The following C8orf88 variants were observed in gnomAD, a reference collection of about 807,000 sequenced individuals.
C8orf88 encodes the protein uncharacterized protein C8orf88.
C8orf88 carries 14 observed loss-of-function variants against 18.4 expected under a neutral mutation model. The observed-to-expected ratio is 0.76, with a 90% CI of 0.50 to 1.19. The LOEUF is 1.19. C8orf88 is among the 50% of genes most tolerant of loss of function. The pLI is 0.00. For missense variants in C8orf88, 116 were observed against 134.7 expected (o/e 0.86, Z 0.69); for synonymous variants, 45 against 42.9 (o/e 1.05, Z -0.19).
At position 90,959,194 on chromosome 8, in the gene C8orf88, C is replaced by T. The variant is rs1811089388; in HGVS notation, c.331-164G>A. On this transcript the variant is annotated intron_variant, in intron 5 of 5. Transcript: ENST00000517562. ...CTAGAACTGTCAAATAACAAAACGG[C>T]TCATGTTTTTAAAATATATGTAACT... 8 of 393,664 alleles carry T rather than the reference C, an allele frequency of 2.0e-5. No homozygotes were observed. In the East Asian group the frequency reaches 2.9e-4, roughly 14 times the overall value. 24.4% of individuals were successfully genotyped at this position (393,664 alleles called of 1,614,324 possible). A position where few individuals can be genotyped will look rare whatever the true frequency, so the allele number is the denominator to read the frequency against.
chr8:90,968,851 T>C (rs1031475820), intron 4 of C8orf88, among the ~76,000 whole-genome samples: 8 of 149,798 alleles, frequency 5.3e-5, no homozygotes, highest in African/African-American at 2.0e-4. Flanking sequence ...AAAAAAGAAA[T>C]AGAAATAGCC....
At chr8:90,977,348 G>GT (rs1460804885) in intron 3 of C8orf88, among the ~76,000 whole-genome samples, 27 of 152,278 alleles carry the variant, frequency 1.8e-4, no homozygotes, top group Admixed American at 1.7e-3. Context: ...TAATTTGGCA[G>GT]TATCAAAAAG....
At chr8:90,984,642 T>A (rs951973276) in intron 1 of C8orf88, among the ~76,000 whole-genome samples, 1 of 152,206 alleles carries the variant, frequency 6.6e-6, no homozygotes, top group Admixed American at 6.5e-5. Context: ...GGGCTAAAGC[T>A]GTCCAGGTAA....
intron 3 of C8orf88, among the ~76,000 whole-genome samples, chr8:90,974,453 C>A (rs141342542): frequency 2.6e-5 from 4 of 152,272 alleles, no homozygotes; most frequent in Non-Finnish European, 4.4e-5. Context: ...TTTTCATCAT[C>A]CAGTCCAGTC....
intron 4 of C8orf88, among the ~76,000 whole-genome samples, chr8:90,970,146 T>C (rs1343859956): frequency 6.6e-6 from 1 of 152,024 alleles, no homozygotes; most frequent in Non-Finnish European, 1.5e-5. Context: ...AGTTATATTT[T>C]ACACAGTCAT....
chr8:90,973,978 G>A (rs1376613579), intron 3 of C8orf88, among the ~76,000 whole-genome samples: 4 of 151,948 alleles, frequency 2.6e-5, no homozygotes, highest in Non-Finnish European at 5.9e-5. Context: ...ATTACAATTC[G>A]TATCTTAAAT....
intron 3 of C8orf88, among the ~76,000 whole-genome samples, chr8:90,977,730 T>G (rs960985137): frequency 8.6e-5 from 13 of 151,898 alleles, no homozygotes; most frequent in Non-Finnish European, 1.6e-4. Context: ...TCACCTGAGG[T>G]TGGAAGTTCA....
Position 90,959,009 on chromosome 8 carries a change from A to C in C8orf88, c.352T>G (p.Ter118GluextTer6), listed in dbSNP as rs1294994859. 3 of 1,411,216 alleles carry C rather than the reference A, an allele frequency of 2.1e-6. No homozygotes were observed. The African/African-American group carries it at 4.4e-5, about 21-fold the overall frequency. The allele number at this position is 1,411,216 out of a possible 1,614,324, so 87.4% of individuals were successfully genotyped here. Reference protein sequence around the residue: ...QKPENNQSFK* With the variant: ...QKPENNQSFKE ...TAAATTCATCTGTTCTTAAAATGCT[A>C]CTTAAAACTTTGGTTGTTTTCCTGT... Residue 118 changes from the stop codon to glutamate, a stop_lost, in exon 6 of 6, where the codon TAG (stop) becomes GAG (glutamate). Coordinates refer to ENST00000517562, the MANE Select transcript of C8orf88 (RefSeq NM_001190972.2).
At chr8:90,973,761 A>G (rs1811312929) in intron 3 of C8orf88, among the ~76,000 whole-genome samples, 1 of 152,102 alleles carries the variant, frequency 6.6e-6, no homozygotes, top group Admixed American at 6.6e-5. Flanking sequence ...TAGGACTACA[A>G]GTGTGAGCAC....
At chr8:90,975,500 A>G (rs1811335780) in intron 3 of C8orf88, among the ~76,000 whole-genome samples, 1 of 152,118 alleles carries the variant, frequency 6.6e-6, no homozygotes, top group African/African-American at 2.4e-5. Context: ...TTAAAGAAAG[A>G]AAAACGGAAA....
At chr8:90,976,408 T>C (rs1186929865) in intron 3 of C8orf88, among the ~76,000 whole-genome samples, 2 of 152,152 alleles carry the variant, frequency 1.3e-5, no homozygotes, top group Non-Finnish European at 1.5e-5. Flanking sequence ...TAATTTGATT[T>C]TTCTCTATAA....
chr8:90,979,114 C>T (rs1375052047), intron 2 of C8orf88, among the ~76,000 whole-genome samples: 1 of 152,180 alleles, frequency 6.6e-6, no homozygotes, highest in Non-Finnish European at 1.5e-5. Context: ...AAATTAATTT[C>T]TGATTTACTA....
chr8:90,977,001 C>A (rs952047180), intron 3 of C8orf88, among the ~76,000 whole-genome samples: 19 of 152,166 alleles, frequency 1.2e-4, no homozygotes, highest in African/African-American at 3.6e-4. Flanking sequence ...GACTCTCTAG[C>A]AGACCATATT....
At chr8:90,960,960 G>A (rs937859859) in intron 4 of C8orf88, 112 bp from the exon 5 acceptor site, 21 of 498,326 alleles carry the variant, frequency 4.2e-5, no homozygotes, top group African/African-American at 1.4e-4. Context: ...ATGATGAGTC[G>A]TGTGTCTATG....
intron 4 of C8orf88, among the ~76,000 whole-genome samples, chr8:90,966,696 T>G (rs1327795441): frequency 6.6e-6 from 1 of 151,860 alleles, no homozygotes; most frequent in Admixed American, 6.6e-5. Context: ...GCAACTTTGT[T>G]GAATTTATTT....
At chr8:90,960,112 T>G (rs1811104422) in intron 5 of C8orf88, among the ~76,000 whole-genome samples, 1 of 151,502 alleles carries the variant, frequency 6.6e-6, no homozygotes. Flanking sequence ...CCATGTCTGA[T>G]GACAAAATCC....
intron 4 of C8orf88, among the ~76,000 whole-genome samples, chr8:90,967,351 T>C (rs1195098877): frequency 2.0e-5 from 3 of 151,904 alleles, no homozygotes; most frequent in Non-Finnish European, 4.4e-5. Context: ...TATCTATATT[T>C]GAAGGGATAT....
chr8:90,981,442 C>T (rs931495702), intron 1 of C8orf88, among the ~76,000 whole-genome samples: 1 of 152,174 alleles, frequency 6.6e-6, no homozygotes, highest in East Asian at 1.9e-4. Flanking sequence ...TCTGTCAAGA[C>T]CAAGATCAAG....
chr8:90,983,028 T>C (rs1295922734), intron 1 of C8orf88, among the ~76,000 whole-genome samples: 2 of 152,122 alleles, frequency 1.3e-5, no homozygotes, highest in African/African-American at 2.4e-5. Context: ...AAATTCAGTC[T>C]TAAACTCTAA....
Sources: allele counts gnomAD v4.1 joint callset (sites outside exome capture counted in the v4.1 genomes callset), GRCh38; gene constraint gnomAD v4.1.1; transcripts MANE v1.5; gene names NCBI Gene and HGNC (gene_info 2026-07-23, HGNC 2026-07-21).